Variants in HCRTR2 observed in about 807,000 individuals in gnomAD.
The protein encoded by HCRTR2 is hypocretin receptor 2.
A neutral mutation model predicts 49.0 loss-of-function variants in HCRTR2; 22 were observed. The observed-to-expected ratio is 0.45, with a 90% CI of 0.32 to 0.64. The LOEUF (loss-of-function observed/expected upper bound fraction) is 0.64, where lower values mean the gene tolerates loss of function less well. Among genes scored for constraint, HCRTR2 ranks in the 30% least tolerant of loss-of-function variants. The pLI is 0.04. For missense variants in HCRTR2, 491 were observed against 559.4 expected (o/e 0.88, Z 1.23); for synonymous variants, 236 against 205.3 (o/e 1.15, Z -1.28).
At chr6:55,165,686 C>T (rs1331781813) in intron 1 of HCRTR2, among the ~76,000 whole-genome samples, 1 of 136,000 alleles carries the variant, frequency 7.4e-6, no homozygotes, top group East Asian at 2.3e-4. Context: ...AAAAGAAAAC[C>T]TACAAAATAG....
At chr6:55,108,855 C>T (rs1233475764) in intron 1 of HCRTR2, among the ~76,000 whole-genome samples, 1 of 152,040 alleles carries the variant, frequency 6.6e-6, no homozygotes, top group African/African-American at 2.4e-5. Flanking sequence ...GCACAGAAAG[C>T]ATTGTGGGGA....
At chr6:55,142,911 C>A (rs1764527861) in intron 1 of HCRTR2, among the ~76,000 whole-genome samples, 1 of 151,680 alleles carries the variant, frequency 6.6e-6, no homozygotes, top group South Asian at 2.1e-4. Flanking sequence ...TATTTCTATT[C>A]CCATAACACC....
intron 1 of HCRTR2, among the ~76,000 whole-genome samples, chr6:55,178,974 C>G (rs976727498): frequency 6.6e-6 from 1 of 152,144 alleles, no homozygotes; most frequent in African/African-American, 2.4e-5. Flanking sequence ...TGATTTAACT[C>G]ATACATTGTT....
At chr6:55,236,390 C>A (rs1766215607) in intron 1 of HCRTR2, among the ~76,000 whole-genome samples, 1 of 152,054 alleles carries the variant, frequency 6.6e-6, no homozygotes, top group South Asian at 2.1e-4. Flanking sequence ...TTATATTCAG[C>A]AAGTGTTACT....
At chr6:55,280,277 A>G in intron 5 of HCRTR2, 46 bp from the exon 6 acceptor site, 2 of 1,282,308 alleles carry the variant, frequency 1.6e-6, no homozygotes, top group Non-Finnish European at 2.3e-6. Flanking sequence ...TCACCTTTGA[A>G]TTTAATTATT....
intron 4 of HCRTR2, among the ~76,000 whole-genome samples, chr6:55,265,056 T>G (rs571028549): frequency 6.6e-6 from 1 of 152,252 alleles, no homozygotes; most frequent in African/African-American, 2.4e-5. Context: ...ATATTTTCTC[T>G]TTTCCTCTGC....
chr6:55,181,482 T>C (rs1472479995), intron 1 of HCRTR2, among the ~76,000 whole-genome samples: 4 of 152,206 alleles, frequency 2.6e-5, no homozygotes, highest in Non-Finnish European at 5.9e-5. Context: ...TTAGAGATTA[T>C]TATTATTGGG....
chr6:55,273,723 T>A (rs1198712289), intron 4 of HCRTR2, among the ~76,000 whole-genome samples: 4 of 152,144 alleles, frequency 2.6e-5, no homozygotes, highest in African/African-American at 9.7e-5. Context: ...CTACTTTGAT[T>A]TGAATACTTT....
chr6:55,139,082 T>C (rs1764472488), intron 1 of HCRTR2, among the ~76,000 whole-genome samples: 4 of 152,158 alleles, frequency 2.6e-5, no homozygotes, highest in African/African-American at 9.6e-5. Context: ...GGCACAAACA[T>C]AGAAACCCAA....
intron 1 of HCRTR2, among the ~76,000 whole-genome samples, chr6:55,147,703 T>C (rs551704779): frequency 1.6e-4 from 25 of 152,346 alleles, no homozygotes; most frequent in Middle Eastern, 3.4e-3. Flanking sequence ...TTTAATGTAG[T>C]GTCCCTTTGA....
At position 55,165,744 on chromosome 6, in the gene HCRTR2, AATATATATATATATAT is replaced by A. The variant is rs56655240; in HGVS notation, c.-377-8437_-377-8422del. The stretch of plus-strand genomic sequence containing the variant: ...TATTTGTTAAGGGATTAGTATACAG[AATATATATATATATAT>A]ATATATATATATATATATATATATA... On this transcript the variant is annotated intron_variant, in intron 1 of 7. Transcript: ENST00000615358. Among the ~76,000 whole-genome samples the A allele has an allele frequency of 9.7e-3, 1,240 of 128,470 alleles. 36 individuals are homozygous for A. Among genetic ancestry groups the A allele is most frequent in the African/African-American group, 0.032 (1,031 of 32,474 alleles). The allele number at this position is 128,470 out of a possible 152,430, so 84.3% of individuals were successfully genotyped here. A position where few individuals can be genotyped will look rare whatever the true frequency, so the allele number is the denominator to read the frequency against.
intron 1 of HCRTR2, among the ~76,000 whole-genome samples, chr6:55,227,971 TA>T (rs1321053507): frequency 6.6e-6 from 1 of 152,158 alleles, no homozygotes; most frequent in Non-Finnish European, 1.5e-5. Context: ...AAGCACTGGT[TA>T]TAGTCTGAAA....
In HCRTR2 at chr6:55,282,220, G is replaced by A. The variant is rs779986333; in HGVS notation, c.1106-5G>A. The A allele has an allele frequency of 1.9e-6, 3 of 1,603,762 alleles. No homozygotes were observed. The highest frequency in any genetic ancestry group is 2.6e-6 in the Non-Finnish European group (3 of 1,171,334). On this transcript the variant is annotated splice_polypyrimidine_tract_variant and splice_region_variant and intron_variant, in intron 6 of 6. Transcript: ENST00000370862. Reference sequence around the variant, plus strand: ...CCTTTTCCTTTCATTCTCTCTGTTTGCCAGGAAAATTTCGAGAGGAATTTA... The same window carrying A: ...CCTTTTCCTTTCATTCTCTCTGTTTACCAGGAAAATTTCGAGAGGAATTTA...
At chr6:55,134,847 C>A (rs766818858) in intron 1 of HCRTR2, among the ~76,000 whole-genome samples, 9 of 151,918 alleles carry the variant, frequency 5.9e-5, no homozygotes, top group Non-Finnish European at 1.2e-4. Flanking sequence ...TTCATTCTCT[C>A]TCTCTTTCTC....
At chr6:55,197,721 A>T (rs1765442650) in intron 1 of HCRTR2, among the ~76,000 whole-genome samples, 1 of 152,078 alleles carries the variant, frequency 6.6e-6, no homozygotes, top group Non-Finnish European at 1.5e-5. Flanking sequence ...TCTCAGGTTC[A>T]TGCCATTCTC....
chr6:55,218,621 C>T (rs180826125), intron 1 of HCRTR2, among the ~76,000 whole-genome samples: 45 of 152,098 alleles, frequency 3.0e-4, no homozygotes, highest in Middle Eastern at 3.4e-3. Context: ...ATACTTATAT[C>T]GGACAAATAA....
At chr6:55,183,578 T>G (rs1373862315) in intron 1 of HCRTR2, among the ~76,000 whole-genome samples, 2 of 152,172 alleles carry the variant, frequency 1.3e-5, no homozygotes. Flanking sequence ...GTACCATCAT[T>G]GGTTTGCATT....
intron 1 of HCRTR2, among the ~76,000 whole-genome samples, chr6:55,191,802 C>T (rs904354103): frequency 1.3e-5 from 2 of 151,928 alleles, no homozygotes; most frequent in African/African-American, 4.8e-5. Context: ...TATCCTTAAT[C>T]CTCTATATAG....
intron 1 of HCRTR2, among the ~76,000 whole-genome samples, chr6:55,124,315 T>C (rs1424279173): frequency 6.6e-6 from 1 of 152,206 alleles, no homozygotes; most frequent in East Asian, 1.9e-4. Context: ...GTATGTTATG[T>C]CTTCATTCTC....
Sources: allele counts gnomAD v4.1 joint callset (sites outside exome capture counted in the v4.1 genomes callset), GRCh38; gene constraint gnomAD v4.1.1; transcripts MANE v1.5; gene names NCBI Gene and HGNC (gene_info 2026-07-23, HGNC 2026-07-21).